The following TCN1 variants were observed in gnomAD, a reference collection of about 807,000 sequenced individuals.
TCN1 encodes the protein transcobalamin 1, also known as transcobalamin-1.
A neutral mutation model predicts 46.3 loss-of-function variants in TCN1; 47 were observed. That is an observed-to-expected ratio of 1.01 (90% CI 0.80 to 1.29). The LOEUF is 1.29. TCN1 is among the 50% of genes most tolerant of loss of function. TCN1 has a pLI of 0.00. For synonymous variants in TCN1, 183 were observed against 192.5 expected, an observed-to-expected ratio of 0.95 and a Z score of 0.41; for missense variants, 532 against 511.0, an observed-to-expected ratio of 1.04 and a Z score of -0.40.
At chr11:59,859,553 A>C (rs571120774) in intron 4 of TCN1, among the ~76,000 whole-genome samples, 1 of 152,278 alleles carries the variant, frequency 6.6e-6, no homozygotes, top group Non-Finnish European at 1.5e-5. Context: ...ACTTAAGGTT[A>C]CTTAAGGGAG....
At chr11:59,864,265 A>T (rs1853049187) in intron 1 of TCN1, among the ~76,000 whole-genome samples, 179 bp from the exon 2 acceptor site, 1 of 152,178 alleles carries the variant, frequency 6.6e-6, no homozygotes, top group Admixed American at 6.6e-5. Flanking sequence ...CCCATGCCAG[A>T]CATTACTCCT....
At chr11:59,862,469 A>G in intron 3 of TCN1, 113 bp downstream of exon 3, 1 of 1,323,528 alleles carries the variant, frequency 7.6e-7, no homozygotes, top group African/African-American at 1.5e-5. Flanking sequence ...TCAAAGACAT[A>G]GTGAGATGAA....
At chr11:59,862,093 G>C (rs1853020526) in intron 3 of TCN1, among the ~76,000 whole-genome samples, 1 of 152,154 alleles carries the variant, frequency 6.6e-6, no homozygotes. Flanking sequence ...TAAATATTGG[G>C]TGGGAACTGA....
rs761452293 is a variant in TCN1 at position 59,856,080 on chromosome 11, G to C, written c.748-22C>G. Reference sequence around the variant, plus strand: ...GGGCCTAATGAGGCAGGGTGGGGTGGGGGGGTGATGAGAGATAAAGAGAGA... The same window carrying C: ...GGGCCTAATGAGGCAGGGTGGGGTGCGGGGGTGATGAGAGATAAAGAGAGA... On this transcript the variant is annotated intron_variant, in intron 5 of 8. Coordinates refer to ENST00000257264, the MANE Select transcript of TCN1 (RefSeq NM_001062.4). The C allele has an allele frequency of 1.5e-6, 2 of 1,325,358 alleles. 1 individual carries two copies. The highest frequency in any genetic ancestry group is 2.1e-6 in the Non-Finnish European group (2 of 932,102). The allele number at this position is 1,325,358 out of a possible 1,614,324, so 82.1% of individuals were successfully genotyped here. A position where few individuals can be genotyped will look rare whatever the true frequency, so the allele number is the denominator to read the frequency against.
chr11:59,866,315 A>G (rs1374290543), intron 1 of TCN1, 77 bp downstream of exon 1: 1 of 1,435,196 alleles, frequency 7.0e-7, no homozygotes, highest in Non-Finnish European at 9.8e-7. Flanking sequence ...TTCTCAGGTA[A>G]CTCTACATAG....
At position 59,862,706 on chromosome 11, in the gene TCN1, C is replaced by T. The variant is rs190797183; in HGVS notation, c.276G>A (p.Ser92=). 27 of 1,613,600 alleles carry T rather than the reference C, an allele frequency of 1.7e-5. No homozygotes were observed. The highest frequency in any genetic ancestry group is 6.7e-5 in the East Asian group (3 of 44,850). The change falls in exon 3 of 9, where the codon TCG becomes TCA. Residue 92 remains serine, a synonymous_variant. Transcript: ENST00000257264. ...CCAGTATAATCAAGGCAAGCTCTCC[C>T]GAGCTTACATCTGACACTGAAAAGA... ...NVKSRLSDVS[S]GELALIILAL...
In TCN1 at chr11:59,855,974, G is replaced by T; in HGVS notation, c.832C>A (p.Gln278Lys). 1 of 1,588,430 alleles carries T rather than the reference G, an allele frequency of 6.3e-7. No homozygotes were observed. The highest frequency in any genetic ancestry group is 8.6e-7 in the Non-Finnish European group (1 of 1,164,340). ...GCGTTTGGATTGCTGAATGCTCCTT[G>T]AGAAATTTCCGTGAGCACTGTATTC... The part of the protein sequence containing the change: ...TLNTVLTEIS[Q>K]GAFSNPNAAA... The change falls in exon 6 of 9, where the codon CAA becomes AAA. Residue 278 changes from glutamine to lysine, a missense_variant. Physicochemically the swap from Gln to Lys is moderately conservative, Grantham distance 53. Coordinates refer to ENST00000257264, the MANE Select transcript of TCN1 (RefSeq NM_001062.4).
rs755268122 is a variant in TCN1 at position 59,853,211 on chromosome 11, A to C, written c.1232T>G (p.Leu411Arg). 1.1e-5 allele frequency: 17 copies of C among 1,613,986 alleles called. No homozygotes were observed. The South Asian group carries it at 1.6e-4, about 16-fold the overall frequency. The change falls in exon 8 of 9, where the codon CTG (leucine) becomes CGG (arginine). Residue 411 changes from leucine to arginine, a missense_variant. Coordinates refer to ENST00000257264, the MANE Select transcript of TCN1 (RefSeq NM_001062.4). ...YWELLSGGEP[L>R]SQGAGSYVVR... ...GCATGTCTCTCCCTTACCTTGGCTC[A>C]GTGGTTCGCCTCCACTCAGAAGTTC...
At chr11:59,864,759 T>G (rs1853054580) in intron 1 of TCN1, among the ~76,000 whole-genome samples, 1 of 152,102 alleles carries the variant, frequency 6.6e-6, no homozygotes, top group African/African-American at 2.4e-5. Flanking sequence ...CCCAAGGAAA[T>G]AGAGGAGAAT....
At chr11:59,864,706 A>G (rs1853053890) in intron 1 of TCN1, among the ~76,000 whole-genome samples, 1 of 152,174 alleles carries the variant, frequency 6.6e-6, no homozygotes, top group African/African-American at 2.4e-5. Flanking sequence ...CCAGAGATGG[A>G]GGGAAGTCAC....
At position 59,853,212 on chromosome 11, in the gene TCN1, G is replaced by C; in HGVS notation, c.1231C>G (p.Leu411Val). Residue 411 changes from leucine to valine, a missense_variant, in exon 8 of 9, where the codon CTG becomes GTG. Transcript: ENST00000257264. ...YWELLSGGEP[L>V]SQGAGSYVVR... ...CATGTCTCTCCCTTACCTTGGCTCA[G>C]TGGTTCGCCTCCACTCAGAAGTTCC... 6.2e-7 allele frequency: 1 copy of C among 1,614,102 alleles called. No homozygotes were observed. Among genetic ancestry groups the C allele is most frequent in the Non-Finnish European group, 8.5e-7 (1 of 1,180,016 alleles).
At chr11:59,862,358 A>G (rs1853023987) in intron 3 of TCN1, among the ~76,000 whole-genome samples, 2 of 152,002 alleles carry the variant, frequency 1.3e-5, no homozygotes, top group Admixed American at 1.3e-4. Context: ...TGTTTCTGCC[A>G]TCATATGTAA....
intron 2 of TCN1, 87 bp downstream of exon 2, chr11:59,863,820 G>T: frequency 6.9e-7 from 1 of 1,454,496 alleles, no homozygotes; most frequent in Non-Finnish European, 9.6e-7. Context: ...GGGATACTTT[G>T]GATGCATAAT....
chr11:59,860,630 A>G (rs538007254), intron 4 of TCN1, among the ~76,000 whole-genome samples: 2 of 152,244 alleles, frequency 1.3e-5, no homozygotes, highest in South Asian at 2.1e-4. Context: ...AATCAAATAA[A>G]CTGTCTTTGT....
chr11:59,862,396 C>G (rs1853024482), intron 3 of TCN1, among the ~76,000 whole-genome samples, 186 bp downstream of exon 3: 1 of 151,876 alleles, frequency 6.6e-6, no homozygotes, highest in South Asian at 2.1e-4. Flanking sequence ...GGTCAATGCT[C>G]AGCTGAACAT....
chr11:59,858,689 C>T (rs1852977128), intron 5 of TCN1, among the ~76,000 whole-genome samples: 1 of 152,212 alleles, frequency 6.6e-6, no homozygotes, highest in African/African-American at 2.4e-5. Context: ...AAGATACTGG[C>T]TGGGCGCAGT....
intron 7 of TCN1, among the ~76,000 whole-genome samples, chr11:59,853,590 C>T (rs1369332422): frequency 6.6e-6 from 1 of 152,134 alleles, no homozygotes. Flanking sequence ...TTTCTGCTCT[C>T]CCCACCTGCC....
intron 4 of TCN1, among the ~76,000 whole-genome samples, 168 bp from the exon 5 acceptor site, chr11:59,859,435 A>G (rs138937682): frequency 6.5e-4 from 99 of 152,354 alleles, no homozygotes; most frequent in African/African-American, 2.3e-3. Context: ...AGATACAGCA[A>G]TCATCTCTCC....
At chr11:59,860,717 A>G (rs1853007544) in intron 4 of TCN1, among the ~76,000 whole-genome samples, 1 of 152,194 alleles carries the variant, frequency 6.6e-6, no homozygotes, top group Non-Finnish European at 1.5e-5. Flanking sequence ...CCTCTTTACA[A>G]AAGAGGATGA....
Sources: allele counts gnomAD v4.1 joint callset (sites outside exome capture counted in the v4.1 genomes callset), GRCh38; gene constraint gnomAD v4.1.1; transcripts MANE v1.5; gene names NCBI Gene and HGNC (gene_info 2026-07-23, HGNC 2026-07-21).